Variants in TLK1 observed in about 807,000 individuals in gnomAD.
TLK1 encodes the protein serine/threonine-protein kinase tousled-like 1.
TLK1 carries 24 observed loss-of-function variants against 105.3 expected under a neutral mutation model. That is an observed-to-expected ratio of 0.23 (90% CI 0.17 to 0.32). The LOEUF is 0.32. Ranked by LOEUF, TLK1 falls within the 10% of genes least tolerant of loss-of-function variation. The pLI is 1.00. For synonymous variants in TLK1, 321 were observed against 310.4 expected, an observed-to-expected ratio of 1.03 and a Z score of -0.36; for missense variants, 558 against 910.5, an observed-to-expected ratio of 0.61 and a Z score of 4.98.
At chr2:171,223,260 C>T (rs1350171927) in intron 1 of TLK1, among the ~76,000 whole-genome samples, 1 of 152,186 alleles carries the variant, frequency 6.6e-6, no homozygotes, top group Non-Finnish European at 1.5e-5. Context: ...TTTACATTCC[C>T]ACCAACAGTG....
intron 12 of TLK1, among the ~76,000 whole-genome samples, chr2:171,019,267 A>T (rs1258751815): frequency 1.3e-5 from 2 of 152,224 alleles, no homozygotes; most frequent in African/African-American, 2.4e-5. Flanking sequence ...TCTATAAGCC[A>T]AATGTAGGCT....
chr2:171,010,625 CA>C (rs77995237), intron 14 of TLK1, among the ~76,000 whole-genome samples: 20,272 of 94,368 alleles, frequency 0.21, 1,548 homozygotes, highest in East Asian at 0.34. Flanking sequence ...ACATAAAGTA[CA>C]AAAAAAAAAA....
At chr2:171,133,349 C>A (rs1431995637) in intron 1 of TLK1, among the ~76,000 whole-genome samples, 1 of 152,174 alleles carries the variant, frequency 6.6e-6, no homozygotes, top group Non-Finnish European at 1.5e-5. Flanking sequence ...GTAATCCCAG[C>A]ACTTTGGAAG....
chr2:171,160,482 G>A lies in TLK1; in HGVS notation c.-54C>T. ...CCCCTGCGACGGCAGCGGCGGCAAC[G>A]GCACCGGCACCCGCCTCCGTCATGG... On this transcript the variant is annotated 5_prime_UTR_variant, in exon 1 of 21. Coordinates refer to ENST00000431350, the MANE Select transcript of TLK1 (RefSeq NM_012290.5). This position sits in a 1 kb window ranked among gnomAD's most constrained non-coding sequence, Gnocchi z 4.4. 7.0e-6 allele frequency: 11 copies of A among 1,569,592 alleles called. No homozygotes were observed. Among genetic ancestry groups the A allele is most frequent in the Non-Finnish European group, 8.6e-6 (10 of 1,162,708 alleles).
Position 171,198,203 on chromosome 2 carries a change from G to A in TLK1, c.-6+32942C>T, listed in dbSNP as rs541708659. Among the ~76,000 whole-genome samples, 10 of 152,194 alleles carry A rather than the reference G, an allele frequency of 6.6e-5. No homozygotes were observed. The South Asian group carries it at 1.4e-3, about 22-fold the overall frequency. On this transcript the variant is annotated intron_variant, in intron 1 of 20. Transcript: ENST00000521943. ...AAGAACAGAGAAAAAAAATGATAAC[G>A]GTAAAGAAACATGGGCTGGCCAGCT...
At chr2:171,109,622 T>C (rs886227045) in intron 2 of TLK1, among the ~76,000 whole-genome samples, 2 of 152,158 alleles carry the variant, frequency 1.3e-5, no homozygotes, top group Non-Finnish European at 2.9e-5. Context: ...CCAAGTAAAA[T>C]ATACATCTAT....
chr2:171,201,734 G>A (rs1693401000), intron 1 of TLK1, among the ~76,000 whole-genome samples: 1 of 152,108 alleles, frequency 6.6e-6, no homozygotes, highest in African/African-American at 2.4e-5. Context: ...TTCCTTAAAG[G>A]GAGCTGTTCC....
At chr2:171,120,986 C>T (rs755711988) in intron 1 of TLK1, among the ~76,000 whole-genome samples, 3 of 152,070 alleles carry the variant, frequency 2.0e-5, no homozygotes, top group Admixed American at 2.0e-4. Context: ...AATATGGGTG[C>T]ATGCTACAAC....
chr2:171,084,446 G>A (rs1342675743), intron 2 of TLK1, among the ~76,000 whole-genome samples: 1 of 152,144 alleles, frequency 6.6e-6, no homozygotes, highest in Non-Finnish European at 1.5e-5. Context: ...AGAATATTCA[G>A]ATAAAGAAGG....
At chr2:171,039,868 C>T (rs1488333767) in intron 11 of TLK1, among the ~76,000 whole-genome samples, 1 of 152,042 alleles carries the variant, frequency 6.6e-6, no homozygotes, top group African/African-American at 2.4e-5. Context: ...CAACAGACCC[C>T]TTTGTAATTT....
intron 11 of TLK1, among the ~76,000 whole-genome samples, chr2:171,041,653 C>A (rs1332900695): frequency 6.6e-6 from 1 of 152,172 alleles, no homozygotes; most frequent in South Asian, 2.1e-4. Flanking sequence ...TGAGGTGGAA[C>A]AGTTTCATCC....
chr2:171,229,751 G>T (rs376852448), intron 1 of TLK1, among the ~76,000 whole-genome samples: 1 of 152,252 alleles, frequency 6.6e-6, no homozygotes, highest in Admixed American at 6.5e-5. Flanking sequence ...TATTGCCTCC[G>T]CCTAAGAACA....
At chr2:171,107,833 C>T (rs562193452) in intron 2 of TLK1, among the ~76,000 whole-genome samples, 4 of 152,018 alleles carry the variant, frequency 2.6e-5, no homozygotes, top group East Asian at 1.9e-4. Context: ...CCGACGTGGG[C>T]GAACTGCTTG....
Position 170,993,811 on chromosome 2 carries a change from G to A in TLK1, c.2270C>T (p.Thr757Ile). The A allele has an allele frequency of 1.2e-6, 2 of 1,609,218 alleles. No individual in the cohort carries two copies. Among genetic ancestry groups the A allele is most frequent in the Admixed American group, 1.7e-5 (1 of 59,470 alleles). The change falls in exon 21 of 21, where the codon ACA becomes ATA. Residue 757 changes from threonine to isoleucine, a missense_variant. Physicochemically the swap from Thr to Ile is moderately conservative, Grantham distance 89 (BLOSUM62 -1). Around this residue, in one of 5 missense-constraint regions of TLK1, gnomAD observed 27 missense variants for 22.5 expected, o/e 1.20. Transcript: ENST00000431350. The part of the protein sequence containing the change: ...LHMAGLTASP[T>I]PPSSSIITY ...AGTAATTATGCTTGAAGAAGGGGGTGTAGGGGATGCTGTCAGCCCAGCCAT... is the reference window on the plus strand; with the variant it reads ...AGTAATTATGCTTGAAGAAGGGGGTATAGGGGATGCTGTCAGCCCAGCCAT...
At chr2:171,105,718 A>G (rs1689894329) in intron 2 of TLK1, among the ~76,000 whole-genome samples, 2 of 152,084 alleles carry the variant, frequency 1.3e-5, no homozygotes. Flanking sequence ...AACAAATACT[A>G]GTAAGGATGC....
At chr2:171,015,734 CACCCCTT>C (rs1464166094) in intron 12 of TLK1, among the ~76,000 whole-genome samples, 13 of 137,024 alleles carry the variant, frequency 9.5e-5, no homozygotes, top group South Asian at 2.3e-4. Context: ...CACACACACC[CACCCCTT>C]TTTTGTCAAT....
intron 3 of TLK1, among the ~76,000 whole-genome samples, chr2:171,073,358 T>C (rs563280865): frequency 2.0e-5 from 3 of 152,170 alleles, no homozygotes; most frequent in Non-Finnish European, 4.4e-5. Context: ...AAGGGTAACA[T>C]TTAACAGCTG....
chr2:171,160,306 G>C lies in TLK1; in HGVS notation c.123C>G (p.Ser41=). The change falls in exon 1 of 21, where the codon TCC becomes TCG. Residue 41 remains serine, a synonymous_variant. Transcript: ENST00000431350. This position sits in a 1 kb window ranked among gnomAD's most constrained non-coding sequence, Gnocchi z 4.4. ...GGTGCTTACCTTCCCTGGGCCTCCC[G>C]GATGGCGGCGTGTGATTCAGCAGGG... ...ARSLLNHTPP[S]GRPREGAMDE... 1 of 1,587,188 alleles carries C rather than the reference G, an allele frequency of 6.3e-7. No individual in the cohort carries two copies. Among genetic ancestry groups the C allele is most frequent in the Non-Finnish European group, 8.6e-7 (1 of 1,169,554 alleles).
At chr2:171,131,335 T>C (rs1386715127) in intron 1 of TLK1, among the ~76,000 whole-genome samples, 1 of 152,190 alleles carries the variant, frequency 6.6e-6, no homozygotes, top group African/African-American at 2.4e-5. Context: ...GATCCCCTAG[T>C]GTCCTCACAA....
Sources: gnomAD v4.1 joint callset for allele counts (sites outside exome capture counted in the v4.1 genomes callset) on GRCh38, gnomAD v4.1.1 for gene constraint, gnomAD v4.1.1 regional missense constraint, Gnocchi (gnomAD v3.1) non-coding constraint, MANE v1.5 for transcripts, NCBI Gene and HGNC (gene_info 2026-07-23, HGNC 2026-07-21) for gene names.